ENTPD1: variants seen among roughly 807,000 people sequenced by gnomAD.
The protein encoded by ENTPD1 is ATP diphosphohydrolase.
Under a neutral mutation model 57.0 loss-of-function variants are expected in ENTPD1, and 33 were observed. The ratio of observed to expected loss-of-function variants is 0.58; its 90% CI spans 0.44 to 0.77. The LOEUF is 0.77. Ranked by LOEUF, ENTPD1 falls within the 30% of genes least tolerant of loss-of-function variation. The probability of loss-of-function intolerance (pLI) is 0.00; values close to 1 mark genes in which losing one functional copy is unlikely to be tolerated. For missense variants in ENTPD1, 501 were observed against 603.4 expected (o/e 0.83, Z 1.78); for synonymous variants, 202 against 218.8 (o/e 0.92, Z 0.68).
chr10:95,783,874 T>G (rs2098167429), intron 1 of ENTPD1, among the ~76,000 whole-genome samples: 2 of 152,154 alleles, frequency 1.3e-5, no homozygotes, highest in South Asian at 4.1e-4. Flanking sequence ...TAGTTACTAC[T>G]GATTATGGGA....
chr10:95,800,280 G>T (rs911519125), intron 1 of ENTPD1, among the ~76,000 whole-genome samples: 1 of 152,112 alleles, frequency 6.6e-6, no homozygotes, highest in Non-Finnish European at 1.5e-5. Context: ...ACCCTGAGCC[G>T]CAAAACCAGC....
chr10:95,753,008 C>T (rs922399104), upstream of ENTPD1, among the ~76,000 whole-genome samples: 9 of 151,854 alleles, frequency 5.9e-5, no homozygotes, highest in African/African-American at 1.9e-4. Context: ...GGGGATGAAC[C>T]GGTACAGTGA....
At chr10:95,795,546 G>T (rs1282211025) in intron 1 of ENTPD1, among the ~76,000 whole-genome samples, 1 of 152,154 alleles carries the variant, frequency 6.6e-6, no homozygotes, top group Non-Finnish European at 1.5e-5. Flanking sequence ...CGTATGGACA[G>T]TAACTAAGAC....
At chr10:95,858,631 T>C (rs2098459877) in intron 7 of ENTPD1, among the ~76,000 whole-genome samples, 1 of 151,938 alleles carries the variant, frequency 6.6e-6, no homozygotes, top group Non-Finnish European at 1.5e-5. Flanking sequence ...GATCTTTTTC[T>C]GCACCTGGGA....
At chr10:95,712,904 GACGC>G (rs2097967241) in intron 1 of ENTPD1, among the ~76,000 whole-genome samples, 1 of 152,080 alleles carries the variant, frequency 6.6e-6, no homozygotes, top group African/African-American at 2.4e-5. Flanking sequence ...TGTGGTGGCG[GACGC>G]CTGTAGTCCC....
intron 1 of ENTPD1, among the ~76,000 whole-genome samples, chr10:95,798,145 A>T (rs1589871579): frequency 6.6e-6 from 1 of 152,180 alleles, no homozygotes; most frequent in Non-Finnish European, 1.5e-5. Context: ...GAGAGTGCTT[A>T]TGTACTAAGA....
chr10:95,841,745 C>T (rs1301298718), intron 3 of ENTPD1, among the ~76,000 whole-genome samples: 1 of 152,166 alleles, frequency 6.6e-6, no homozygotes, highest in African/African-American at 2.4e-5. Flanking sequence ...TAGCAACAGT[C>T]GGTTTTGCTC....
At chr10:95,784,332 C>T (rs889627056) in intron 1 of ENTPD1, among the ~76,000 whole-genome samples, 2 of 152,044 alleles carry the variant, frequency 1.3e-5, no homozygotes, top group African/African-American at 2.4e-5. Flanking sequence ...CATTATGGGG[C>T]CACTAAAAAT....
chr10:95,807,245 A>G (rs1589925443), intron 1 of ENTPD1, among the ~76,000 whole-genome samples: 1 of 152,162 alleles, frequency 6.6e-6, no homozygotes, highest in Non-Finnish European at 1.5e-5. Flanking sequence ...CCAGGCTTCC[A>G]CCTTGCGGTT....
chr10:95,747,767 A>G (rs1187802546), intron 1 of ENTPD1, among the ~76,000 whole-genome samples: 2 of 152,190 alleles, frequency 1.3e-5, no homozygotes, highest in African/African-American at 4.8e-5. Flanking sequence ...TTATTACACA[A>G]CAGACAAATT....
At chr10:95,722,624 C>T (rs1282378913) in intron 1 of ENTPD1, among the ~76,000 whole-genome samples, 3 of 138,472 alleles carry the variant, frequency 2.2e-5, no homozygotes, top group Non-Finnish European at 4.5e-5. Flanking sequence ...GGAAGGGGAA[C>T]ATCACACTCT....
At chr10:95,776,902 C>A (rs1425509580) in intron 1 of ENTPD1, among the ~76,000 whole-genome samples, 2 of 152,152 alleles carry the variant, frequency 1.3e-5, no homozygotes, top group Admixed American at 1.3e-4. Context: ...ATCACTGATA[C>A]CCTTTCTTCC....
chr10:95,783,045 G>C (rs4917707), intron 1 of ENTPD1, among the ~76,000 whole-genome samples: 76,268 of 151,976 alleles, frequency 0.5, 19,629 homozygotes, highest in Admixed American at 0.6. Context: ...TTGTGTGTGT[G>C]TGTGTAGTGT....
At chr10:95,726,551 T>C (rs1035694800) in intron 1 of ENTPD1, among the ~76,000 whole-genome samples, 7 of 152,250 alleles carry the variant, frequency 4.6e-5, no homozygotes, top group African/African-American at 1.4e-4. Flanking sequence ...GATATAGGAT[T>C]CTGTGTTGAC....
chr10:95,840,711 T>C (rs2098420629), intron 3 of ENTPD1, among the ~76,000 whole-genome samples: 1 of 152,222 alleles, frequency 6.6e-6, no homozygotes, highest in Non-Finnish European at 1.5e-5. Context: ...AAGGTCATAA[T>C]ATGTTAGAGT....
intron 1 of ENTPD1, among the ~76,000 whole-genome samples, chr10:95,819,839 T>C (rs2098342892): frequency 6.6e-6 from 1 of 152,272 alleles, no homozygotes; most frequent in Admixed American, 6.5e-5. Flanking sequence ...TGCCATTGGA[T>C]ATTTTGGTAA....
chr10:95,697,201 GATTGAAGT>G, the ENTPD1 span, among the ~76,000 whole-genome samples: 1 of 151,692 alleles, frequency 6.6e-6, no homozygotes, highest in Non-Finnish European at 1.5e-5. Flanking sequence ...ATGAGTTATT[GATTGAAGT>G]ACCACTGTAG....
rs532361243 is a variant in ENTPD1, at chr10:95,725,461, C to G, written c.37+13468C>G. On this transcript the variant is annotated intron_variant, in intron 1 of 9. Coordinates refer to the ENTPD1 transcript ENST00000453258. ...TGAACTAATATAGCAACTCGGGATT[C>G]TGTTTTATTTTTCTGAGGATTGTTG... Among the ~76,000 whole-genome samples the G allele has an allele frequency of 3.3e-4, 50 of 152,070 alleles. No individual in the cohort carries two copies. The South Asian group carries it at 0.01, about 30-fold the overall frequency.
intron 1 of ENTPD1, among the ~76,000 whole-genome samples, chr10:95,790,719 A>G (rs905053925): frequency 9.9e-5 from 15 of 152,168 alleles, no homozygotes; most frequent in Admixed American, 5.9e-4. Context: ...TTCAGTATGA[A>G]AAAAATGTAT....
Sources: gnomAD v4.1 joint callset for allele counts (sites outside exome capture counted in the v4.1 genomes callset) on GRCh38, gnomAD v4.1.1 for gene constraint, MANE v1.5 for transcripts, NCBI Gene and HGNC (gene_info 2026-07-23, HGNC 2026-07-21) for gene names.